Variants in CLEC16A observed in about 807,000 individuals in gnomAD.
CLEC16A encodes the protein protein CLEC16A.
Under a neutral mutation model 109.5 loss-of-function variants are expected in CLEC16A, and 51 were observed. That is an observed-to-expected ratio of 0.47 (90% confidence interval 0.37 to 0.59). CLEC16A has a LOEUF of 0.59. CLEC16A is among the 20% of genes least tolerant of loss of function. The probability of loss-of-function intolerance (pLI) is 0.00; values close to 1 mark genes in which losing one functional copy is unlikely to be tolerated. For missense variants in CLEC16A, 1,339 were observed against 1,394.0 expected, an observed-to-expected ratio of 0.96 and a Z score of 0.63; for synonymous variants, 673 against 564.2, an observed-to-expected ratio of 1.19 and a Z score of -2.73.
At position 11,039,816 on chromosome 16, in the gene CLEC16A, A is replaced by G. The variant is rs374572610; in HGVS notation, c.1600A>G (p.Thr534Ala). Residue 534 changes from threonine to alanine, a missense_variant, in exon 14 of 24, where the codon ACC becomes GCC. By Grantham distance (58) the Thr-to-Ala change is moderately conservative (BLOSUM62 0). This residue lies in a region of CLEC16A where 1,061 missense variants were observed against 1,006.8 expected (regional missense o/e 1.05). Transcript: ENST00000409790. ...LPVPNAAEKTTYNHPLAERLI... is the reference protein window; with the variant it reads ...LPVPNAAEKTAYNHPLAERLI... ...CGTGCCAAATGCGGCCGAGAAGACC[A>G]CCTACAACCACCCGCTAGCTGAAAG... 6.2e-7 allele frequency: 1 copy of G among 1,611,588 alleles called. No homozygotes were observed. Among genetic ancestry groups the G allele is most frequent in the African/African-American group, 1.3e-5 (1 of 74,858 alleles).
intron 3 of CLEC16A, among the ~76,000 whole-genome samples, chr16:10,962,952 A>G (rs1393782762): frequency 2.0e-5 from 3 of 152,098 alleles, no homozygotes; most frequent in African/African-American, 7.2e-5. Flanking sequence ...CCAGCTACTC[A>G]GGAGGCTGAG....
chr16:10,991,537 G>A (rs1427824093), intron 10 of CLEC16A, among the ~76,000 whole-genome samples: 1 of 152,152 alleles, frequency 6.6e-6, no homozygotes, highest in Non-Finnish European at 1.5e-5. Flanking sequence ...ATGGGAAGTA[G>A]GAGATGAGGT....
chr16:11,068,798 A>G (rs2048901681), intron 19 of CLEC16A, among the ~76,000 whole-genome samples: 2 of 152,066 alleles, frequency 1.3e-5, no homozygotes, highest in South Asian at 4.1e-4. Context: ...AAACATTTCT[A>G]TTTTTATTTA....
chr16:10,964,533 A>G (rs185015654), intron 3 of CLEC16A, among the ~76,000 whole-genome samples: 4 of 152,268 alleles, frequency 2.6e-5, no homozygotes, highest in African/African-American at 7.2e-5. Flanking sequence ...TGAGCGTGAG[A>G]GCAGGTGTTC....
chr16:11,096,162 G>A (rs1171334325), intron 19 of CLEC16A, among the ~76,000 whole-genome samples: 1 of 144,006 alleles, frequency 6.9e-6, no homozygotes, highest in African/African-American at 2.7e-5. Flanking sequence ...GGGCAACATA[G>A]CAAGACCCCA....
At chr16:10,957,964 C>A (rs2042069841) in intron 2 of CLEC16A, 54 bp downstream of exon 2, 1 of 1,560,202 alleles carries the variant, frequency 6.4e-7, no homozygotes, top group African/African-American at 1.4e-5. Context: ...GAATGTTTTT[C>A]TAAATGTATA....
In CLEC16A at chr16:11,171,846, CCACA is replaced by C. The variant is rs530155118; in HGVS notation, c.2806+5297_2806+5300del. Among the ~76,000 whole-genome samples, 183 of 151,820 alleles carry C rather than the reference CCACA, an allele frequency of 1.2e-3. 2 individuals are homozygous for C. The highest frequency in any genetic ancestry group is 4.2e-3 in the African/African-American group (174 of 41,394). ...CAAATGTGCATGCATAGTCACACTC[CCACA>C]CAGTCACACACATGCCAGGGCACAT... On this transcript the variant is annotated intron_variant, in intron 23 of 23. Coordinates refer to ENST00000409790, the MANE Select transcript of CLEC16A (RefSeq NM_015226.3).
chr16:10,953,749 C>T (rs952966905), intron 1 of CLEC16A, among the ~76,000 whole-genome samples: 3 of 152,110 alleles, frequency 2.0e-5, no homozygotes, highest in East Asian at 3.9e-4. Context: ...GGCTGAGGTA[C>T]GTGGATCACG....
intron 13 of CLEC16A, among the ~76,000 whole-genome samples, chr16:11,029,758 A>G (rs1249079468): frequency 1.3e-5 from 2 of 152,252 alleles, no homozygotes; most frequent in East Asian, 1.9e-4. Flanking sequence ...TTGATATGCA[A>G]TAAACTGAAC....
chr16:11,106,163 T>C (rs1244600757), intron 19 of CLEC16A, among the ~76,000 whole-genome samples: 1 of 152,166 alleles, frequency 6.6e-6, no homozygotes, highest in Non-Finnish European at 1.5e-5. Flanking sequence ...ACAACAATGC[T>C]AGGAAGTCCA....
At chr16:11,042,473 C>A in intron 15 of CLEC16A, 110 bp downstream of exon 15, 2 of 781,018 alleles carry the variant, frequency 2.6e-6, no homozygotes, top group Non-Finnish European at 4.1e-6. Flanking sequence ...TGTCATCGGT[C>A]ACCAGCTAGA....
intron 12 of CLEC16A, among the ~76,000 whole-genome samples, chr16:11,023,612 C>CT (rs5815608): frequency 0.49 from 72,512 of 147,858 alleles, 18,689 homozygotes; most frequent in African/African-American, 0.68. Context: ...ATTTTTCCTA[C>CT]TTTTTTTTTT....
At chr16:11,116,557 A>T (rs567049795) in intron 19 of CLEC16A, among the ~76,000 whole-genome samples, 1 of 152,318 alleles carries the variant, frequency 6.6e-6, no homozygotes, top group South Asian at 2.1e-4. Context: ...TGACATCCAC[A>T]TGAAACCAGA....
At chr16:11,116,639 A>G (rs1359920385) in intron 19 of CLEC16A, among the ~76,000 whole-genome samples, 2 of 152,210 alleles carry the variant, frequency 1.3e-5, no homozygotes, top group African/African-American at 2.4e-5. Context: ...GAGAAAGGAA[A>G]GAGAAATTTA....
chr16:11,123,412 G>A (rs1052098073), intron 20 of CLEC16A, among the ~76,000 whole-genome samples: 23 of 152,180 alleles, frequency 1.5e-4, no homozygotes, highest in African/African-American at 5.3e-4. Context: ...TGCCTGTGGT[G>A]TTACCTGTGG....
chr16:10,979,410 C>G, intron 9 of CLEC16A, 28 bp downstream of exon 9: 2 of 1,607,260 alleles, frequency 1.2e-6, no homozygotes, highest in Non-Finnish European at 1.7e-6. Context: ...CCAATGTCCC[C>G]ACTACATTTG....
At chr16:10,947,150 G>T (rs980394407) in intron 1 of CLEC16A, among the ~76,000 whole-genome samples, 1 of 152,240 alleles carries the variant, frequency 6.6e-6, no homozygotes, top group Non-Finnish European at 1.5e-5. Context: ...GAATCAGGCA[G>T]ATCAGCTTAA....
At position 11,159,015 on chromosome 16, in the gene CLEC16A, A is replaced by G. The variant is rs75672416; in HGVS notation, c.2642-7373A>G. Reference sequence around the variant, plus strand: ...TGGCTTCGCTGGCTTGGGGTTTCCCACTTCTTAATTTTCAAAAGGAGTATG... The same window carrying G: ...TGGCTTCGCTGGCTTGGGGTTTCCCGCTTCTTAATTTTCAAAAGGAGTATG... On this transcript the variant is annotated intron_variant, in intron 22 of 23. Transcript: ENST00000409790. 1.0e-3 allele frequency among the ~76,000 whole-genome samples: 158 copies of G among 152,134 alleles called. 1 individual carries two copies. The highest frequency in any genetic ancestry group is 3.5e-3 in the Middle Eastern group (1 of 288).
At position 11,167,397 on chromosome 16, in the gene CLEC16A, A is replaced by G. The variant is rs1214618966; in HGVS notation, c.2806+845A>G. 7.2e-5 allele frequency among the ~76,000 whole-genome samples: 11 copies of G among 152,262 alleles called. No homozygotes were observed. The East Asian group carries it at 2.1e-3, about 29-fold the overall frequency. On this transcript the variant is annotated intron_variant, in intron 23 of 23. Transcript: ENST00000409790. The stretch of plus-strand genomic sequence containing the variant: ...TCACTGTTCCTGCAAGTTCCCCTCC[A>G]GAGCCCTCACTCATCATATTTCAGG...
Sources: gnomAD v4.1 joint callset for allele counts (sites outside exome capture counted in the v4.1 genomes callset) on GRCh38, gnomAD v4.1.1 for gene constraint, gnomAD v4.1.1 regional missense constraint, MANE v1.5 for transcripts, NCBI Gene and HGNC (gene_info 2026-07-23, HGNC 2026-07-21) for gene names.